The following EFCAB13 variants were observed in gnomAD, a reference collection of about 807,000 sequenced individuals.
EFCAB13 encodes EF-hand calcium binding domain 13.
In EFCAB13, 91 loss-of-function variants were observed where a neutral mutation model predicts 110.2. That is an observed-to-expected ratio of 0.83 (90% CI 0.70 to 0.98). EFCAB13 has a LOEUF of 0.98. Ranked by LOEUF, EFCAB13 falls within the 50% of genes least tolerant of loss-of-function variation. The probability of loss-of-function intolerance (pLI) is 0.00; values close to 1 mark genes in which losing one functional copy is unlikely to be tolerated. For synonymous variants in EFCAB13, 323 were observed against 369.9 expected (o/e 0.87, Z 1.45); for missense variants, 968 against 1,119.4 (o/e 0.86, Z 1.93).
intron 10 of EFCAB13, among the ~76,000 whole-genome samples, chr17:47,364,237 C>T (rs1018199965): frequency 1.3e-5 from 2 of 152,110 alleles, no homozygotes; most frequent in Admixed American, 1.3e-4. Context: ...TGCAATAGTT[C>T]CCTTATTTAA....
In EFCAB13 at chr17:47,391,486, G is replaced by T; in HGVS notation, c.1632G>T (p.Val544=). The T allele has an allele frequency of 6.3e-7, 1 of 1,586,718 alleles. No individual in the cohort carries two copies. Among genetic ancestry groups the T allele is most frequent in the Non-Finnish European group, 8.5e-7 (1 of 1,169,732 alleles). ...TTGATAAAATTAAAGATAAAAATGT[G>T]GATTATGAGGATCTAAATACTTGTC... ...KAIDKIKDKN[V]DYEDLNTCLQ... is the part of the protein sequence containing the mutation. The change falls in exon 15 of 25, where the codon GTG becomes GTT. Residue 544 remains valine (V), a synonymous_variant. Transcript: ENST00000331493.
chr17:47,398,331 C>CT (rs2065758999), intron 17 of EFCAB13, among the ~76,000 whole-genome samples: 1 of 150,650 alleles, frequency 6.6e-6, no homozygotes, highest in Non-Finnish European at 1.5e-5. Context: ...AGGAGCCCCT[C>CT]TGCCCGGCCA....
In EFCAB13 at chr17:47,345,109, G is replaced by T. The variant is rs2065407957; in HGVS notation, c.517+11G>T. On this transcript the variant is annotated intron_variant, in intron 8 of 24. Coordinates refer to ENST00000331493, the MANE Select transcript of EFCAB13 (RefSeq NM_152347.5). ...CAAAAGAATTAAGTGGTAATAAGAGGTTCTAAAATTTCTTGAATACATTTC... is the reference window on the plus strand; with the variant it reads ...CAAAAGAATTAAGTGGTAATAAGAGTTTCTAAAATTTCTTGAATACATTTC... The T allele has an allele frequency of 3.2e-6, 5 of 1,568,430 alleles. No homozygotes were observed. The highest frequency in any genetic ancestry group is 1.7e-4 in the Middle Eastern group (1 of 5,954).
intron 24 of EFCAB13, among the ~76,000 whole-genome samples, chr17:47,438,158 T>C (rs537998348): frequency 3.5e-4 from 54 of 152,356 alleles, no homozygotes; most frequent in African/African-American, 1.3e-3. Context: ...CTGCTGTTAA[T>C]CAGATAGGTT....
At chr17:47,360,561 TC>T (rs1471094206) in intron 9 of EFCAB13, among the ~76,000 whole-genome samples, 1 of 152,224 alleles carries the variant, frequency 6.6e-6, no homozygotes. Flanking sequence ...GAAAATTTTC[TC>T]CCATTTTGTA....
intron 17 of EFCAB13, among the ~76,000 whole-genome samples, chr17:47,399,076 C>T (rs1447085258): frequency 6.6e-6 from 1 of 152,092 alleles, no homozygotes; most frequent in Non-Finnish European, 1.5e-5. Context: ...GTGCACAGCA[C>T]TGTGCCTGGC....
chr17:47,351,744 A>C (rs2065454370), intron 9 of EFCAB13, among the ~76,000 whole-genome samples: 1 of 151,942 alleles, frequency 6.6e-6, no homozygotes, highest in Non-Finnish European at 1.5e-5. Context: ...TTGTCTGTTC[A>C]TTCTGTTGAT....
rs535192106 is a variant in EFCAB13, at chr17:47,429,564, C to T, written c.2495-254C>T. Among the ~76,000 whole-genome samples, 397 of 152,276 alleles carry T rather than the reference C, an allele frequency of 2.6e-3. 4 individuals carry two copies. The highest frequency in any genetic ancestry group is 9.3e-3 in the African/African-American group (388 of 41,554). On this transcript the variant is annotated intron_variant, in intron 23 of 24. Coordinates refer to ENST00000331493, the MANE Select transcript of EFCAB13 (RefSeq NM_152347.5). ...GAAAAACAGGGATGAAAATGCCTAT[C>T]TTGGGATTATTATAAAGACATTTGT...
At chr17:47,345,832 A>G (rs1036151329) in intron 8 of EFCAB13, among the ~76,000 whole-genome samples, 7 of 152,124 alleles carry the variant, frequency 4.6e-5, no homozygotes, top group African/African-American at 1.7e-4. Context: ...CCTTAGCACC[A>G]GTTGGTATTC....
Position 47,330,194 on chromosome 17 carries a change from CT to C in EFCAB13, c.30+1816del, listed in dbSNP as rs200816291. ...CGTTTATTGTCACTAAACTCTATTT[CT>C]TTTTGGGGGGGTGGGGAGTGGTGTC... is the stretch of plus-strand genomic sequence containing the variant. On this transcript the variant is annotated intron_variant, in intron 4 of 24. Coordinates refer to ENST00000331493, the MANE Select transcript of EFCAB13 (RefSeq NM_152347.5). 7.5e-3 allele frequency among the ~76,000 whole-genome samples: 1,098 copies of C among 147,104 alleles called. 16 individuals carry two copies. The highest frequency in any genetic ancestry group is 0.026 in the African/African-American group (1,024 of 39,644).
At chr17:47,386,609 C>T (rs1402566661) in intron 14 of EFCAB13, among the ~76,000 whole-genome samples, 2 of 152,106 alleles carry the variant, frequency 1.3e-5, no homozygotes, top group Non-Finnish European at 2.9e-5. Context: ...CCACTTGGCT[C>T]CCTGGCTTCA....
intron 11 of EFCAB13, 104 bp downstream of exon 11, chr17:47,370,612 C>T (rs2065576489): frequency 2.8e-6 from 2 of 717,248 alleles, no homozygotes; most frequent in African/African-American, 3.7e-5. Context: ...TGAAAACCTT[C>T]TCTGAATAAT....
chr17:47,422,252 A>G (rs1394499451), intron 23 of EFCAB13, among the ~76,000 whole-genome samples: 1 of 152,218 alleles, frequency 6.6e-6, no homozygotes, highest in Non-Finnish European at 1.5e-5. Context: ...TTTTCATGTT[A>G]AGGGGTACTT....
chr17:47,330,242 CT>C (rs976173723), intron 4 of EFCAB13, among the ~76,000 whole-genome samples: 6 of 149,906 alleles, frequency 4.0e-5, no homozygotes, highest in Admixed American at 6.7e-5. Context: ...AATATAGCTT[CT>C]TTTTTTTTAA....
In EFCAB13 at chr17:47,325,224, A is replaced by G. The variant is rs529624295; in HGVS notation, c.-248+701A>G. ...AGAGGTGGGAGTTTCACTGTTGCCCAGGCTGGTCTTGAACTCCTGGCCTTA... is the reference window on the plus strand; with the variant it reads ...AGAGGTGGGAGTTTCACTGTTGCCCGGGCTGGTCTTGAACTCCTGGCCTTA... On this transcript the variant is annotated intron_variant, in intron 2 of 24. Coordinates refer to ENST00000331493, the MANE Select transcript of EFCAB13 (RefSeq NM_152347.5). 7.0e-4 allele frequency among the ~76,000 whole-genome samples: 106 copies of G among 150,996 alleles called. 1 individual carries two copies. In the East Asian group the frequency reaches 0.017, roughly 24 times the overall value.
chr17:47,345,023 G>A lies in EFCAB13; in HGVS notation c.442G>A (p.Glu148Lys). 1 of 1,602,150 alleles carries A rather than the reference G, an allele frequency of 6.2e-7. No homozygotes were observed. Among genetic ancestry groups the A allele is most frequent in the South Asian group, 1.1e-5 (1 of 88,022 alleles). Residue 148 changes from glutamate to lysine, a missense_variant, in exon 8 of 25, where the codon GAA (glutamate) becomes AAA (lysine). Physicochemically the swap from Glu to Lys is moderately conservative, Grantham distance 56. Transcript: ENST00000331493. Reference protein sequence around the residue: ...CTSSAITREKEMLSNLYMTLY... With the variant: ...CTSSAITREKKMLSNLYMTLY... ...TGGCTGTTTCTTTGACAGGGAAAAG[G>A]AAATGCTGTCTAACCTCTACATGAC...
intron 23 of EFCAB13, among the ~76,000 whole-genome samples, chr17:47,422,286 T>C (rs1904748439): frequency 6.6e-6 from 1 of 152,168 alleles, no homozygotes; most frequent in Admixed American, 6.5e-5. Context: ...ACAATCATGT[T>C]TGAAGGAAAA....
rs558145830 is a variant in EFCAB13 at position 47,335,518 on chromosome 17, G to C, written c.191+162G>C. ...GTAGCATAATTTTAACTCCTAAATA[G>C]CTGTTCTTACATTTTTTCTGACTTC... On this transcript the variant is annotated intron_variant, in intron 5 of 24. Transcript: ENST00000331493. Among the ~76,000 whole-genome samples the C allele has an allele frequency of 9.6e-4, 146 of 152,238 alleles. 4 individuals carry two copies. The South Asian group carries it at 0.029, about 30-fold the overall frequency.
chr17:47,440,771 T>C lies in EFCAB13; in HGVS notation c.*57T>C, dbSNP rs1431864902. The C allele has an allele frequency of 1.1e-5, 15 of 1,310,526 alleles. No individual in the cohort carries two copies. Among genetic ancestry groups the C allele is most frequent in the Non-Finnish European group, 1.5e-5 (15 of 979,882 alleles). The allele number at this position is 1,310,526 out of a possible 1,614,324, so 81.2% of individuals were successfully genotyped here. ...TAGATTATATATTATTCAGTATGCA[T>C]ATTTGACTTCTGAAATTATTAGAAA... On this transcript the variant is annotated 3_prime_UTR_variant, in exon 25 of 25. Transcript: ENST00000331493.
Sources: gnomAD v4.1 joint callset for allele counts (sites outside exome capture counted in the v4.1 genomes callset) on GRCh38, gnomAD v4.1.1 for gene constraint, MANE v1.5 for transcripts, NCBI Gene and HGNC (gene_info 2026-07-23, HGNC 2026-07-21) for gene names.